The following CCDC88C variants were observed in gnomAD, a reference collection of about 807,000 sequenced individuals.
The protein encoded by CCDC88C is coiled-coil and HOOK domain protein 88C, also known as protein Daple.
CCDC88C carries 131 observed loss-of-function variants against 198.8 expected under a neutral mutation model. That is an observed-to-expected ratio of 0.66 (90% CI 0.57 to 0.76). The LOEUF is 0.76. Ranked by LOEUF, CCDC88C falls within the 30% of genes least tolerant of loss-of-function variation. CCDC88C has a pLI of 0.00. For missense variants in CCDC88C, 2,553 were observed against 2,631.6 expected (o/e 0.97, Z 0.65); for synonymous variants, 1,166 against 1,114.7 (o/e 1.05, Z -0.92).
intron 25 of CCDC88C, chr14:91,285,959 G>A (rs1029943473): frequency 2.7e-5 from 13 of 488,284 alleles, no homozygotes; most frequent in Admixed American, 6.9e-5. Flanking sequence ...TCAGAATCCC[G>A]TCTTGCCCAG....
intron 4 of CCDC88C, among the ~76,000 whole-genome samples, chr14:91,357,087 C>T (rs1195475888): frequency 6.6e-6 from 1 of 152,154 alleles, no homozygotes; most frequent in Non-Finnish European, 1.5e-5. Context: ...GATGAAGAGG[C>T]TCAGGTTTGG....
intron 13 of CCDC88C, among the ~76,000 whole-genome samples, chr14:91,316,081 C>A (rs913965631): frequency 6.6e-6 from 1 of 152,220 alleles, no homozygotes; most frequent in South Asian, 2.1e-4. Context: ...GGGTTTCACA[C>A]GCACCCAGCT....
rs1567055589 is a variant in CCDC88C at position 91,293,508 on chromosome 14, G to GCTCA, written c.4112+664_4112+665insTGAG. ...CACCTTCCCATCCTCACCTGCCACG[G>GCTCA]CCTACCTTCCTGTCCCCTCACCTGC... On this transcript the variant is annotated intron_variant, in intron 23 of 29. Transcript: ENST00000389857. 5.3e-4 allele frequency among the ~76,000 whole-genome samples: 66 copies of GCTCA among 123,492 alleles called. 21 individuals are homozygous for GCTCA. The highest frequency in any genetic ancestry group is 8.1e-4 in the South Asian group (3 of 3,722). 81.0% of individuals were successfully genotyped at this position (123,492 alleles called of 152,430 possible). A position where few individuals can be genotyped will look rare whatever the true frequency, so the allele number is the denominator to read the frequency against.
chr14:91,273,264 G>T lies in CCDC88C; in HGVS notation c.5448C>A (p.Ser1816Arg). 3 of 1,558,588 alleles carry T rather than the reference G, an allele frequency of 1.9e-6. No homozygotes were observed. Among genetic ancestry groups the T allele is most frequent in the Non-Finnish European group, 2.6e-6 (3 of 1,151,196 alleles). ...ACTCCTGTTTGCAGGCCTCTGGCCCGCTGGCCCGGAGAAGGTCAGCTGAGG... is the reference window on the plus strand; with the variant it reads ...ACTCCTGTTTGCAGGCCTCTGGCCCTCTGGCCCGGAGAAGGTCAGCTGAGG... ...SLASADLLRA[S>R]GPEACKQESP... Residue 1816 changes from serine to arginine, a missense_variant, in exon 30 of 30, where the codon AGC becomes AGA. This residue lies in a region of CCDC88C where 1,293 missense variants were observed against 1,219.6 expected (regional missense o/e 1.06). Transcript: ENST00000389857. The surrounding 1 kb of genome is among the most constrained non-coding windows in gnomAD (Gnocchi z 5.6).
In CCDC88C at chr14:91,273,820, G is replaced by C. The variant is rs905988380; in HGVS notation, c.5059-167C>G. Among the ~76,000 whole-genome samples, 1 of 152,192 alleles carries C rather than the reference G, an allele frequency of 6.6e-6. No homozygotes were observed. Among genetic ancestry groups the C allele is most frequent in the African/African-American group, 2.4e-5 (1 of 41,438 alleles). On this transcript the variant is annotated intron_variant, in intron 29 of 29. Transcript: ENST00000389857. The surrounding 1 kb of genome is among the most constrained non-coding windows in gnomAD (Gnocchi z 5.6). The stretch of plus-strand genomic sequence containing the variant: ...GCCTCCACCACACACACCAGCCCTG[G>C]GCAGGATGGTGAGGGTGGCTAAGGC...
chr14:91,277,558 C>G (rs1255762159), intron 29 of CCDC88C, among the ~76,000 whole-genome samples: 1 of 152,186 alleles, frequency 6.6e-6, no homozygotes, highest in Non-Finnish European at 1.5e-5. Flanking sequence ...TTTCAAGGTC[C>G]TTGAAAGTTT....
At chr14:91,393,624 T>G (rs979707546) in intron 3 of CCDC88C, among the ~76,000 whole-genome samples, 2 of 152,226 alleles carry the variant, frequency 1.3e-5, no homozygotes, top group Admixed American at 6.5e-5. Flanking sequence ...CCTCTGCAAC[T>G]TAGTCCATTT....
chr14:91,376,516 A>G (rs1219589443), intron 3 of CCDC88C, among the ~76,000 whole-genome samples: 1 of 152,190 alleles, frequency 6.6e-6, no homozygotes, highest in Non-Finnish European at 1.5e-5. Context: ...GTCTCTGGAG[A>G]GCCCACAGGT....
At chr14:91,304,425 A>G (rs544035130) in intron 19 of CCDC88C, among the ~76,000 whole-genome samples, 1 of 152,316 alleles carries the variant, frequency 6.6e-6, no homozygotes, top group South Asian at 2.1e-4. Context: ...TCTACAAAAA[A>G]AAAGTATTTT....
intron 3 of CCDC88C, among the ~76,000 whole-genome samples, chr14:91,400,150 C>T (rs1886087863): frequency 6.6e-6 from 1 of 152,156 alleles, no homozygotes; most frequent in Non-Finnish European, 1.5e-5. Flanking sequence ...TGGCCACTCT[C>T]CCACCCCACA....
Position 91,346,841 on chromosome 14 carries a change from G to A in CCDC88C, c.341-3184C>T, listed in dbSNP as rs140448397. 3.1e-3 allele frequency among the ~76,000 whole-genome samples: 475 copies of A among 152,302 alleles called. 2 individuals carry two copies. Among genetic ancestry groups the A allele is most frequent in the African/African-American group, 0.01 (434 of 41,554 alleles). Reference sequence around the variant, plus strand: ...TTGAACCCAGGAGGCGGAGGTTGCAGTGAGCTGAAATTGCTCCACTGCACT... The same window carrying A: ...TTGAACCCAGGAGGCGGAGGTTGCAATGAGCTGAAATTGCTCCACTGCACT... On this transcript the variant is annotated intron_variant, in intron 4 of 29. Coordinates refer to ENST00000389857, the MANE Select transcript of CCDC88C (RefSeq NM_001080414.4).
At chr14:91,376,864 C>A (rs1596131122) in intron 3 of CCDC88C, among the ~76,000 whole-genome samples, 1 of 152,220 alleles carries the variant, frequency 6.6e-6, no homozygotes, top group Admixed American at 6.5e-5. Flanking sequence ...GTTAATATCC[C>A]AAAGTGACTG....
chr14:91,299,675 A>G (rs895812185), intron 21 of CCDC88C, among the ~76,000 whole-genome samples: 5 of 152,302 alleles, frequency 3.3e-5, no homozygotes, highest in African/African-American at 1.2e-4. Flanking sequence ...TGCAATCCTC[A>G]CCACAAGGGT....
At chr14:91,311,766 A>T (rs985853122) in intron 15 of CCDC88C, among the ~76,000 whole-genome samples, 5 of 152,228 alleles carry the variant, frequency 3.3e-5, no homozygotes, top group African/African-American at 9.6e-5. Flanking sequence ...GGGTAAGGAC[A>T]ACATGGAATT....
At chr14:91,332,778 C>A (rs982621671) in intron 10 of CCDC88C, among the ~76,000 whole-genome samples, 1 of 152,200 alleles carries the variant, frequency 6.6e-6, no homozygotes, top group Non-Finnish European at 1.5e-5. Context: ...TCCCTCCTCC[C>A]GAGACTGCAA....
intron 10 of CCDC88C, among the ~76,000 whole-genome samples, chr14:91,332,315 G>T (rs1892870971): frequency 6.6e-6 from 1 of 152,176 alleles, no homozygotes; most frequent in Non-Finnish European, 1.5e-5. Flanking sequence ...GTTTACAAAG[G>T]GAAGTCAGGG....
intron 3 of CCDC88C, among the ~76,000 whole-genome samples, chr14:91,385,145 G>C (rs1374262009): frequency 6.6e-6 from 1 of 152,120 alleles, no homozygotes; most frequent in East Asian, 1.9e-4. Context: ...TGGGTGTGCT[G>C]CTCTGCAAGA....
intron 10 of CCDC88C, among the ~76,000 whole-genome samples, chr14:91,336,660 C>T (rs959260087): frequency 1.3e-5 from 2 of 152,260 alleles, no homozygotes; most frequent in African/African-American, 4.8e-5. Flanking sequence ...CCCCACCCCT[C>T]GCCCAGGCAT....
Position 91,272,460 on chromosome 14 carries a change from C to CT in CCDC88C, c.*164dup. 1.4e-6 allele frequency: 1 copy of CT among 696,514 alleles called. No individual in the cohort carries two copies. The highest frequency in any genetic ancestry group is 2.8e-5 in the East Asian group (1 of 36,244). 43.1% of individuals were successfully genotyped at this position (696,514 alleles called of 1,614,324 possible). A position where few individuals can be genotyped will look rare whatever the true frequency, so the allele number is the denominator to read the frequency against. On this transcript the variant is annotated 3_prime_UTR_variant, in exon 30 of 30. Coordinates refer to ENST00000389857, the MANE Select transcript of CCDC88C (RefSeq NM_001080414.4). ...ACCTGGAAGCGTAATCCTCTTGGGG[C>CT]TTGGCACAGTGTTTCCATTCACAGA... is the stretch of plus-strand genomic sequence containing the variant.
Sources: gnomAD v4.1 joint callset for allele counts (sites outside exome capture counted in the v4.1 genomes callset) on GRCh38, gnomAD v4.1.1 for gene constraint, gnomAD v4.1.1 regional missense constraint, Gnocchi (gnomAD v3.1) non-coding constraint, MANE v1.5 for transcripts, NCBI Gene and HGNC (gene_info 2026-07-23, HGNC 2026-07-21) for gene names.